Variants in CENPT observed in about 807,000 individuals in gnomAD.
CENPT encodes interphase centromere complex protein 22.
A neutral mutation model predicts 59.7 loss-of-function variants in CENPT; 42 were observed. The observed-to-expected ratio is 0.70, with a 90% CI of 0.55 to 0.91. CENPT has a LOEUF of 0.91. CENPT is among the 40% of genes least tolerant of loss of function. CENPT has a pLI of 0.00. For synonymous variants in CENPT, 295 were observed against 289.6 expected (o/e 1.02, Z -0.19); for missense variants, 716 against 713.4 (o/e 1.00, Z -0.04).
At position 67,828,563 on chromosome 16, in the gene CENPT, G is replaced by A; in HGVS notation, c.1473C>T (p.Phe491=). 6.2e-7 allele frequency: 1 copy of A among 1,614,212 alleles called. No homozygotes were observed. Among genetic ancestry groups the A allele is most frequent in the Non-Finnish European group, 8.5e-7 (1 of 1,180,042 alleles). The change falls in exon 15 of 16, where the codon TTC becomes TTT. Residue 491 remains phenylalanine, a synonymous_variant. Transcript: ENST00000562787. ...EMVEKCLDKY[F]QHLCDDLEVF... ...CCTCCAGATCATCACAAAGATGCTG[G>A]AAATATTTATCTAGGCTGTCAAGAA...
rs768924959 is a variant in CENPT at position 67,830,091 on chromosome 16, G to A, written c.863-3C>T. On this transcript the variant is annotated splice_polypyrimidine_tract_variant and splice_region_variant and intron_variant, in intron 11 of 15. Transcript: ENST00000562787. Reference sequence around the variant, plus strand: ...AAACTGGGCTGGTTTCCCAGGGCCTGAGTGAAGGGGAGAGAATACAGGCCG... The same window carrying A: ...AAACTGGGCTGGTTTCCCAGGGCCTAAGTGAAGGGGAGAGAATACAGGCCG... The A allele has an allele frequency of 6.2e-7, 1 of 1,613,766 alleles. No individual in the cohort carries two copies. The highest frequency in any genetic ancestry group is 8.5e-7 in the Non-Finnish European group (1 of 1,179,788).
In CENPT at chr16:67,842,563, C is replaced by T. The variant is rs79492531; in HGVS notation, c.-492+4838G>A. The T allele has an allele frequency of 2.0e-6, 3 of 1,531,788 alleles. No homozygotes were observed. Among genetic ancestry groups the T allele is most frequent in the East Asian group, 2.5e-5 (1 of 40,582 alleles). The allele number at this position is 1,531,788 out of a possible 1,614,324, so 94.9% of individuals were successfully genotyped here. ...GGCCGCGCGGCGCAGCCATGCCTGG[C>T]TTTACGTGCTGCGTGCCAGGCTGCT... On this transcript the variant is annotated intron_variant, in intron 1 of 15. Coordinates refer to ENST00000562787, the MANE Select transcript of CENPT (RefSeq NM_025082.4). This position sits in a 1 kb window ranked among gnomAD's most constrained non-coding sequence, Gnocchi z 4.9.
rs762530607 is a variant in CENPT at position 67,832,035 on chromosome 16, G to A, written c.363C>T (p.Ser121=). The part of the protein sequence containing the change: ...PVPAPQAVQP[S]RQESSCGSLE... ...ACCTGCCGCAACTGCTCTCTTGTCTGGAGGGTTGGACCGCCTGCGGTGCTG... is the reference window on the plus strand; with the variant it reads ...ACCTGCCGCAACTGCTCTCTTGTCTAGAGGGTTGGACCGCCTGCGGTGCTG... Residue 121 remains serine, a synonymous_variant, in exon 7 of 16, where the codon TCC becomes TCT. Coordinates refer to ENST00000562787, the MANE Select transcript of CENPT (RefSeq NM_025082.4). 1.2e-6 allele frequency: 2 copies of A among 1,608,552 alleles called. No homozygotes were observed. Among genetic ancestry groups the A allele is most frequent in the Admixed American group, 1.7e-5 (1 of 59,664 alleles).
chr16:67,830,154 G>T, intron 11 of CENPT, 66 bp from the exon 12 acceptor site: 1 of 1,495,642 alleles, frequency 6.7e-7, no homozygotes, highest in Non-Finnish European at 9.2e-7. Flanking sequence ...CTCAGAGAAG[G>T]GTAAAGATGG....
At chr16:67,829,007 A>T in intron 13 of CENPT, 164 bp from the exon 14 acceptor site, 1 of 621,720 alleles carries the variant, frequency 1.6e-6, no homozygotes, top group Non-Finnish European at 2.7e-6. Context: ...TCAGGGGGCC[A>T]CATAGAGGCC....
intron 1 of CENPT, among the ~76,000 whole-genome samples, chr16:67,836,323 G>C (rs1361154741): frequency 6.6e-6 from 1 of 152,012 alleles, no homozygotes; most frequent in African/African-American, 2.4e-5. Flanking sequence ...GCCTCCCAAA[G>C]TGCTGGGATT....
rs1172260855 is a variant in CENPT, at chr16:67,831,276, G to C, written c.643C>G (p.Arg215Gly). The C allele has an allele frequency of 6.2e-7, 1 of 1,614,172 alleles. No individual in the cohort carries two copies. The highest frequency in any genetic ancestry group is 1.1e-5 in the South Asian group (1 of 91,084). Residue 215 changes from arginine to glycine, a missense_variant, in exon 10 of 16, where the codon CGA becomes GGA. Arg to Gly is a moderately radical substitution (Grantham distance 125). Transcript: ENST00000562787. ...AAAAAGGCACCCACGTCTACAGCTC[G>C]GCGGGCTGGAGGTCTGCGGGCCAAG... ...PGLARRPPAR[R>G]AVDVGAFLRD...
At chr16:67,844,512 T>G (rs1273119519) in intron 1 of CENPT, among the ~76,000 whole-genome samples, 1 of 152,238 alleles carries the variant, frequency 6.6e-6, no homozygotes, top group Non-Finnish European at 1.5e-5. Context: ...AGTTCGCCTC[T>G]GAGGGTTTCA....
In CENPT at chr16:67,842,878, G is replaced by A. The variant is rs1555494387; in HGVS notation, c.-492+4523C>T. On this transcript the variant is annotated intron_variant, in intron 1 of 15. Coordinates refer to ENST00000562787, the MANE Select transcript of CENPT (RefSeq NM_025082.4). This position sits in a 1 kb window ranked among gnomAD's most constrained non-coding sequence, Gnocchi z 4.9. ...CCCGCCGCAGGCAGCAGCAGCAACA[G>A]CAGCAGCAGCAGCAACAGCAGCAAC... 1 of 1,592,944 alleles carries A rather than the reference G, an allele frequency of 6.3e-7. No individual in the cohort carries two copies. Among genetic ancestry groups the A allele is most frequent in the African/African-American group, 1.4e-5 (1 of 73,596 alleles).
intron 1 of CENPT, chr16:67,841,445 G>A (rs1272703359): frequency 6.6e-6 from 1 of 152,106 alleles, no homozygotes; most frequent in Non-Finnish European, 1.5e-5. Flanking sequence ...CTTACAGACT[G>A]GTTCCTGGGA....
rs769061288 is a variant in CENPT, at chr16:67,843,078, C to T, written c.-492+4323G>A. Reference sequence around the variant, plus strand: ...AGTCAGGCTCCGGGATCCGTACAGCCGGCGCCCATCACTCCCACTGGAGAA... The same window carrying T: ...AGTCAGGCTCCGGGATCCGTACAGCTGGCGCCCATCACTCCCACTGGAGAA... On this transcript the variant is annotated intron_variant, in intron 1 of 15. Coordinates refer to ENST00000562787, the MANE Select transcript of CENPT (RefSeq NM_025082.4). This position sits in a 1 kb window ranked among gnomAD's most constrained non-coding sequence, Gnocchi z 5.7. The T allele has an allele frequency of 8.7e-6, 14 of 1,611,390 alleles. No homozygotes were observed. The highest frequency in any genetic ancestry group is 1.2e-5 in the Non-Finnish European group (14 of 1,180,028).
chr16:67,832,373 T>TGG, intron 5 of CENPT, 58 bp from the exon 6 acceptor site: 1 of 1,605,322 alleles, frequency 6.2e-7, no homozygotes, highest in Non-Finnish European at 8.5e-7. Context: ...TTCCTCAAGG[T>TGG]GGGCTCCAGA....
chr16:67,838,228 C>A (rs1015564839), intron 1 of CENPT, among the ~76,000 whole-genome samples: 12 of 152,158 alleles, frequency 7.9e-5, no homozygotes, highest in African/African-American at 2.7e-4. Flanking sequence ...ATCAATTTGG[C>A]CTCTCAACAT....
chr16:67,839,397 A>C (rs2057749389), intron 1 of CENPT, among the ~76,000 whole-genome samples: 1 of 151,310 alleles, frequency 6.6e-6, no homozygotes, highest in African/African-American at 2.4e-5. Context: ...AAAAAAAAAA[A>C]AAACCAAAAA....
chr16:67,832,208 G>T lies in CENPT; in HGVS notation c.289+20C>A. ...TTGGACTGGTACCTAACTCTGACCG[G>T]CAGGCCAGCGCTCACTTACCAGTTA... On this transcript the variant is annotated intron_variant, in intron 6 of 15. Transcript: ENST00000562787. 6.2e-7 allele frequency: 1 copy of T among 1,613,098 alleles called. No individual in the cohort carries two copies. Among genetic ancestry groups the T allele is most frequent in the Non-Finnish European group, 8.5e-7 (1 of 1,179,070 alleles).
rs199517696 is a variant in CENPT, at chr16:67,829,965, C to G, written c.986G>C (p.Gly329Ala). Residue 329 changes from glycine (G) to alanine (A), a missense_variant, in exon 12 of 16, where the codon GGA (glycine) becomes GCA (alanine). By Grantham distance (60) the Gly-to-Ala change is moderately conservative. Coordinates refer to ENST00000562787, the MANE Select transcript of CENPT (RefSeq NM_025082.4). ...CATCTTTTTCTCTGCCTCTTCAACTCCATCGTGTAAGGGCTCTACTTCATC... is the reference window on the plus strand; with the variant it reads ...CATCTTTTTCTCTGCCTCTTCAACTGCATCGTGTAAGGGCTCTACTTCATC... ...GEDEVEPLHDGVEEAEKKMEE... is the reference protein window; with the variant it reads ...GEDEVEPLHDAVEEAEKKMEE... 1.9e-6 allele frequency: 3 copies of G among 1,614,132 alleles called. No homozygotes were observed. The African/African-American group carries it at 4.0e-5, about 22-fold the overall frequency.
chr16:67,828,705 C>T lies in CENPT; in HGVS notation c.1419G>A (p.Met473Ile). The change falls in exon 14 of 16, where the codon ATG (methionine) becomes ATA (isoleucine). Residue 473 changes from methionine to isoleucine, a missense_variant. By Grantham distance (10) the Met-to-Ile change is conservative. Transcript: ENST00000562787. ...YVKLFSFYAK[M>I]PMERKALEMV... ...TCTCAAGAGCCTTCCTCTCCATGGG[C>T]ATCTTGGCATAGAAGCTAAAGAGTT... 6.2e-7 allele frequency: 1 copy of T among 1,614,206 alleles called. No individual in the cohort carries two copies. The highest frequency in any genetic ancestry group is 8.5e-7 in the Non-Finnish European group (1 of 1,180,044).
In CENPT at chr16:67,833,995, G is replaced by A. The variant is rs529315303; in HGVS notation, c.-136C>T. 1.3e-4 allele frequency: 76 copies of A among 576,634 alleles called. No homozygotes were observed. The highest frequency in any genetic ancestry group is 3.3e-4 in the Middle Eastern group (1 of 3,018). The allele number at this position is 576,634 out of a possible 1,614,324, so 35.7% of individuals were successfully genotyped here. A position where few individuals can be genotyped will look rare whatever the true frequency, so the allele number is the denominator to read the frequency against. ...TAGTTCTCGCACTATCGCAGCTCGC[G>A]GGGTGGACAGTGATGGTTGCAAACT... On this transcript the variant is annotated 5_prime_UTR_variant, in exon 4 of 16. Transcript: ENST00000562787.
At position 67,828,232 on chromosome 16, in the gene CENPT, C is replaced by G. The variant is rs1460776181; in HGVS notation, c.*35G>C. On this transcript the variant is annotated 3_prime_UTR_variant, in exon 16 of 16. Transcript: ENST00000562787. ...AGAAATATGTGGGGGCAAGAGTCCC[C>G]AGGTGGGGACAGGGAAAGTGTTGAA... The G allele has an allele frequency of 3.2e-6, 5 of 1,546,198 alleles. No individual in the cohort carries two copies. The highest frequency in any genetic ancestry group is 2.0e-5 in the Admixed American group (1 of 50,336).
Sources: gnomAD v4.1 joint callset for allele counts (sites outside exome capture counted in the v4.1 genomes callset) on GRCh38, gnomAD v4.1.1 for gene constraint, Gnocchi (gnomAD v3.1) non-coding constraint, MANE v1.5 for transcripts, NCBI Gene and HGNC (gene_info 2026-07-23, HGNC 2026-07-21) for gene names.